Variants in TMEM131L observed in about 807,000 individuals in gnomAD.
TMEM131L encodes the protein transmembrane 131 like, also known as transmembrane protein 131-like.
Under a neutral mutation model 192.2 loss-of-function variants are expected in TMEM131L, and 54 were observed. That is an observed-to-expected ratio of 0.28 (90% CI 0.23 to 0.35). The LOEUF is 0.35. TMEM131L is among the 10% of genes least tolerant of loss of function. TMEM131L has a pLI of 1.00. For synonymous variants in TMEM131L, 701 were observed against 704.9 expected, an observed-to-expected ratio of 0.99 and a Z score of 0.09; for missense variants, 1,888 against 1,972.9, an observed-to-expected ratio of 0.96 and a Z score of 0.82.
At chr4:153,617,133 C>T (rs1178658353) in intron 26 of TMEM131L, among the ~76,000 whole-genome samples, 1 of 152,142 alleles carries the variant, frequency 6.6e-6, no homozygotes, top group Non-Finnish European at 1.5e-5. Flanking sequence ...TTTTCCTGTG[C>T]TGTTCTCGTG....
intron 30 of TMEM131L, among the ~76,000 whole-genome samples, chr4:153,627,231 G>A (rs965925640): frequency 2.6e-5 from 4 of 152,086 alleles, no homozygotes; most frequent in Non-Finnish European, 4.4e-5. Context: ...CTTGGGCCAC[G>A]CATCTCCCTT....
At position 153,558,328 on chromosome 4, in the gene TMEM131L, T is replaced by C. The variant is rs759428830; in HGVS notation, c.620T>C (p.Leu207Pro). 4 of 1,609,754 alleles carry C rather than the reference T, an allele frequency of 2.5e-6. No individual in the cohort carries two copies. Among genetic ancestry groups the C allele is most frequent in the Non-Finnish European group, 2.5e-6 (3 of 1,176,672 alleles). Residue 207 changes from leucine to proline, a missense_variant, in exon 7 of 35, where the codon CTG becomes CCG. Physicochemically the swap from Leu to Pro is moderately conservative, Grantham distance 98. Transcript: ENST00000409959. ...SAKQLPNAYF[L>P]LPKVQSIQLS... The stretch of plus-strand genomic sequence containing the variant: ...AAGCAGCTACCAAATGCTTATTTTC[T>C]GCTTCCAAAGGTCCAGAGCATTCAG...
At chr4:153,606,618 G>A (rs1336663521) in intron 25 of TMEM131L, among the ~76,000 whole-genome samples, 1 of 152,186 alleles carries the variant, frequency 6.6e-6, no homozygotes, top group Non-Finnish European at 1.5e-5. Context: ...ATGGGAGTCT[G>A]GAAACATAGA....
At chr4:153,466,646 A>T (rs1730766422) in intron 1 of TMEM131L, 125 bp downstream of exon 1, 6 of 962,106 alleles carry the variant, frequency 6.2e-6, no homozygotes, top group Non-Finnish European at 8.0e-6. Flanking sequence ...GGAGGAAGGA[A>T]AGCTGTTGCG....
chr4:153,530,027 G>C (rs1054086035), intron 3 of TMEM131L, among the ~76,000 whole-genome samples: 2 of 147,202 alleles, frequency 1.4e-5, no homozygotes, highest in African/African-American at 5.0e-5. Flanking sequence ...TGCCATCTCT[G>C]TTGTCCTTTT....
At chr4:153,603,554 A>G in intron 24 of TMEM131L, 102 bp downstream of exon 24, 4 of 1,332,794 alleles carry the variant, frequency 3.0e-6, no homozygotes, top group Non-Finnish European at 4.1e-6. Context: ...TTGATTCTAC[A>G]TTTGCTTTCA....
At chr4:153,501,286 A>G (rs1230138734) in intron 3 of TMEM131L, among the ~76,000 whole-genome samples, 1 of 150,286 alleles carries the variant, frequency 6.7e-6, no homozygotes, top group Non-Finnish European at 1.5e-5. Flanking sequence ...GCTCACTGCA[A>G]CCTCTGCCTC....
At chr4:153,483,197 C>T (rs1417541978) in intron 3 of TMEM131L, among the ~76,000 whole-genome samples, 7 of 152,162 alleles carry the variant, frequency 4.6e-5, no homozygotes, top group African/African-American at 1.7e-4. Context: ...ATTCGTTGTT[C>T]CTTACTTTTT....
Position 153,583,684 on chromosome 4 carries a change from T to A in TMEM131L, c.1060+12T>A. ...TTTTACCTGCAAAGGTACAGATTTT[T>A]AAACAGATTGTCATTTGACTTTTGT... On this transcript the variant is annotated intron_variant, in intron 11 of 34. Transcript: ENST00000409959. The A allele has an allele frequency of 7.0e-7, 1 of 1,426,824 alleles. No homozygotes were observed. The highest frequency in any genetic ancestry group is 9.8e-7 in the Non-Finnish European group (1 of 1,020,872). 88.4% of individuals were successfully genotyped at this position (1,426,824 alleles called of 1,614,324 possible).
intron 3 of TMEM131L, among the ~76,000 whole-genome samples, chr4:153,529,434 C>A (rs543541291): frequency 6.6e-6 from 1 of 152,252 alleles, no homozygotes; most frequent in East Asian, 1.9e-4. Flanking sequence ...TATATGTTTC[C>A]ACTTACTGAA....
intron 16 of TMEM131L, among the ~76,000 whole-genome samples, chr4:153,590,350 C>G (rs1176570213): frequency 3.3e-5 from 5 of 152,186 alleles, no homozygotes; most frequent in African/African-American, 4.8e-5. Flanking sequence ...TCTGGTTGAA[C>G]TTGTGTCTGT....
At chr4:153,493,575 A>C (rs1377444021) in intron 3 of TMEM131L, among the ~76,000 whole-genome samples, 1 of 151,548 alleles carries the variant, frequency 6.6e-6, no homozygotes, top group Non-Finnish European at 1.5e-5. Context: ...CAGGAGAATC[A>C]CTTGAACCCA....
At chr4:153,585,383 C>T in intron 12 of TMEM131L, 75 bp from the exon 13 acceptor site, 1 of 1,402,014 alleles carries the variant, frequency 7.1e-7, no homozygotes, top group Non-Finnish European at 9.9e-7. Context: ...CCTGTTTTTG[C>T]AATTAGAGGC....
At chr4:153,502,072 C>G (rs1162632282) in intron 3 of TMEM131L, among the ~76,000 whole-genome samples, 1 of 150,926 alleles carries the variant, frequency 6.6e-6, no homozygotes, top group African/African-American at 2.4e-5. Flanking sequence ...CCACCTCAGA[C>G]TCACAAGTAG....
rs1165877849 is a variant in TMEM131L at position 153,592,637 on chromosome 4, A to G, written c.1922+53A>G. ...GTTTGGGAAGTACTTGGGAAGACTT[A>G]GAATTACTTAATGTCCTACACTTTT... On this transcript the variant is annotated intron_variant, in intron 18 of 34. Coordinates refer to ENST00000409959, the MANE Select transcript of TMEM131L (RefSeq NM_001131007.2). The G allele has an allele frequency of 1.6e-5, 19 of 1,165,790 alleles. 1 individual carries two copies. The Admixed American group carries it at 3.0e-4, about 19-fold the overall frequency. 72.2% of individuals were successfully genotyped at this position (1,165,790 alleles called of 1,614,324 possible).
At chr4:153,571,257 T>G (rs1399809672) in intron 7 of TMEM131L, among the ~76,000 whole-genome samples, 2 of 152,256 alleles carry the variant, frequency 1.3e-5, no homozygotes, top group Non-Finnish European at 2.9e-5. Flanking sequence ...GTTTATCTTG[T>G]CCTGCCTGGT....
chr4:153,620,983 G>T, intron 27 of TMEM131L, 103 bp downstream of exon 27: 1 of 748,126 alleles, frequency 1.3e-6, no homozygotes, highest in South Asian at 1.7e-5. Context: ...ATTAGATACC[G>T]ATAATATGAG....
At chr4:153,538,009 C>T (rs1736472150) in intron 3 of TMEM131L, among the ~76,000 whole-genome samples, 1 of 152,150 alleles carries the variant, frequency 6.6e-6, no homozygotes, top group Non-Finnish European at 1.5e-5. Context: ...TTAAGTAGAG[C>T]GGGAACACAA....
At chr4:153,494,212 C>T (rs750183324) in intron 3 of TMEM131L, among the ~76,000 whole-genome samples, 3 of 152,022 alleles carry the variant, frequency 2.0e-5, no homozygotes, top group Admixed American at 6.6e-5. Context: ...TAGTTGGCAT[C>T]GCATATCAAG....
Sources: allele counts gnomAD v4.1 joint callset (sites outside exome capture counted in the v4.1 genomes callset), GRCh38; gene constraint gnomAD v4.1.1; transcripts MANE v1.5; gene names NCBI Gene and HGNC (gene_info 2026-07-23, HGNC 2026-07-21).